TMEM35A: variants seen among roughly 807,000 people sequenced by gnomAD.
The protein encoded by TMEM35A is nicotinic acetylcholine receptor chaperone.
For missense variants in TMEM35A, 83 were observed against 132.7 expected (o/e 0.63, Z 1.84); for synonymous variants, 50 against 54.7 (o/e 0.91, Z 0.38).
intron 1 of TMEM35A, among the ~76,000 whole-genome samples, chrX:101,086,182 A>G (rs1340780958): frequency 4.5e-5 from 5 of 111,212 alleles, no homozygotes; most frequent in African/African-American, 1.3e-4. Flanking sequence ...GTGAAATGGC[A>G]TGGTCTCGGC....
intron 1 of TMEM35A, among the ~76,000 whole-genome samples, chrX:101,080,629 G>A (rs755057850): frequency 1.8e-5 from 2 of 109,494 alleles, no homozygotes; most frequent in Non-Finnish European, 3.8e-5. Context: ...GCCACCAAAT[G>A]GCTTGAAGAG....
At chrX:101,088,054 C>T (rs902449959) in intron 1 of TMEM35A, among the ~76,000 whole-genome samples, 5 of 106,883 alleles carry the variant, frequency 4.7e-5, no homozygotes, top group Non-Finnish European at 7.7e-5. Flanking sequence ...AAAAATTAGC[C>T]GGGCATGGTG....
intron 1 of TMEM35A, 57 bp downstream of exon 1, chrX:101,079,179 T>A (rs2089284523): frequency 5.1e-5 from 60 of 1,172,035 alleles, no homozygotes; most frequent in Non-Finnish European, 6.7e-5. Context: ...CGAGGACCTC[T>A]CCCCTTTTTT....
At chrX:101,079,995 G>A (rs17003844) in intron 1 of TMEM35A, among the ~76,000 whole-genome samples, 25,924 of 110,680 alleles carry the variant, frequency 0.23, 2,643 homozygotes, top group African/African-American at 0.37. Flanking sequence ...TTGCTCTTAT[G>A]CTGTGGAGTA....
At chrX:101,087,884 C>A (rs770670294) in intron 1 of TMEM35A, among the ~76,000 whole-genome samples, 2 of 111,278 alleles carry the variant, frequency 1.8e-5, no homozygotes, top group Admixed American at 1.9e-4. Context: ...TGGTGGCAAG[C>A]GCCTGTAGTC....
chrX:101,082,640 A>G lies in TMEM35A; in HGVS notation c.120+3518A>G, dbSNP rs771309294. 1.5e-3 allele frequency among the ~76,000 whole-genome samples: 166 copies of G among 109,657 alleles called. 2 individuals carry two copies. Among genetic ancestry groups the G allele is most frequent in the Non-Finnish European group, 2.0e-3 (106 of 52,725 alleles). The stretch of plus-strand genomic sequence containing the variant: ...AGTTTAAGGGATTGAAATCAAGCAT[A>G]TATATATATTTATTTATTTATGAGA... On this transcript the variant is annotated intron_variant, in intron 1 of 1. Transcript: ENST00000372930.
rs751128636 is a variant in TMEM35A, at chrX:101,083,653, T to C, written c.120+4531T>C. On this transcript the variant is annotated intron_variant, in intron 1 of 1. Transcript: ENST00000372930. ...ACTAGGTAATAAGATAGTAATTTAC[T>C]GATGTTTAGACTGCTCTCTGAGGTG... Among the ~76,000 whole-genome samples the C allele has an allele frequency of 2.7e-5, 3 of 112,143 alleles. No individual in the cohort carries two copies. The South Asian group carries it at 1.1e-3, about 42-fold the overall frequency.
In TMEM35A at chrX:101,095,049, C is replaced by G; in HGVS notation, c.*93C>G. 1 of 1,000,170 alleles carries G rather than the reference C, an allele frequency of 1.0e-6. No individual in the cohort carries two copies. The highest frequency in any genetic ancestry group is 1.3e-6 in the Non-Finnish European group (1 of 754,794). The allele number at this position is 1,000,170 out of a possible 1,213,427, so 82.4% of individuals were successfully genotyped here. On this transcript the variant is annotated 3_prime_UTR_variant, in exon 2 of 2. Transcript: ENST00000372930. ...TGTGTTTTTCATTTGATTTATTTATCTTGGGGAAAGTGAAAAATGTAATCT... is the reference window on the plus strand; with the variant it reads ...TGTGTTTTTCATTTGATTTATTTATGTTGGGGAAAGTGAAAAATGTAATCT...
At chrX:101,079,452 C>A (rs1346260243) in intron 1 of TMEM35A, among the ~76,000 whole-genome samples, 1 of 111,388 alleles carries the variant, frequency 9.0e-6, no homozygotes, top group Non-Finnish European at 1.9e-5. Flanking sequence ...ACCCAAAGTC[C>A]GGGCAACCAG....
intron 1 of TMEM35A, among the ~76,000 whole-genome samples, chrX:101,088,898 C>CA (rs372375664): frequency 1.1e-3 from 117 of 101,877 alleles, no homozygotes; most frequent in African/African-American, 3.6e-3. Flanking sequence ...GATTCTGCCT[C>CA]AAAAAAAAAA....
intron 1 of TMEM35A, among the ~76,000 whole-genome samples, chrX:101,088,761 C>T (rs1285610510): frequency 9.2e-6 from 1 of 109,143 alleles, no homozygotes; most frequent in East Asian, 2.9e-4. Context: ...CAAAAATTAG[C>T]TGGATGTGGG....
chrX:101,086,809 T>A (rs1343034205), intron 1 of TMEM35A, among the ~76,000 whole-genome samples: 1 of 111,389 alleles, frequency 9.0e-6, no homozygotes, highest in Non-Finnish European at 1.9e-5. Context: ...AGTGAATCTG[T>A]CAACTGTCTT....
chrX:101,081,301 C>T (rs1475934034), intron 1 of TMEM35A, among the ~76,000 whole-genome samples: 1 of 112,307 alleles, frequency 8.9e-6, no homozygotes, highest in Non-Finnish European at 1.9e-5. Context: ...GAGCATCGGG[C>T]CATAGACTGG....
chrX:101,093,306 G>A (rs2089329465), intron 1 of TMEM35A, among the ~76,000 whole-genome samples: 1 of 110,425 alleles, frequency 9.1e-6, no homozygotes, highest in South Asian at 3.7e-4. Context: ...TTATTTATTT[G>A]CTTATTTATT....
intron 1 of TMEM35A, among the ~76,000 whole-genome samples, chrX:101,079,594 G>C (rs769684823): frequency 2.7e-5 from 3 of 111,350 alleles, no homozygotes; most frequent in East Asian, 5.7e-4. Context: ...CAATTTTTAG[G>C]GGCTGACTGG....
At chrX:101,087,740 T>C (rs964844573) in intron 1 of TMEM35A, among the ~76,000 whole-genome samples, 3 of 111,906 alleles carry the variant, frequency 2.7e-5, no homozygotes, top group Non-Finnish European at 5.6e-5. Flanking sequence ...CTGGAAGTCT[T>C]GGCTCCTAAC....
chrX:101,090,281 T>C (rs112276945), intron 1 of TMEM35A, among the ~76,000 whole-genome samples: 140 of 107,854 alleles, frequency 1.3e-3, no homozygotes, highest in African/African-American at 4.7e-3. Flanking sequence ...GCCTCCCGGA[T>C]AGCTGGGATT....
At position 101,087,842 on chromosome X, in the gene TMEM35A, C is replaced by T. The variant is rs182746186; in HGVS notation, c.121-6731C>T. On this transcript the variant is annotated intron_variant, in intron 1 of 1. Coordinates refer to ENST00000372930, the MANE Select transcript of TMEM35A (RefSeq NM_021637.3). ...AACATAGTGAAATGTGGTGAAGTGT[C>T]TCTACTAAAAATACAAAAAATTAGC... 8.1e-5 allele frequency among the ~76,000 whole-genome samples: 9 copies of T among 110,825 alleles called. 1 individual carries two copies. In the East Asian group the frequency reaches 2.3e-3, roughly 28 times the overall value.
At chrX:101,089,084 C>A (rs920378208) in intron 1 of TMEM35A, among the ~76,000 whole-genome samples, 2 of 111,487 alleles carry the variant, frequency 1.8e-5, no homozygotes, top group African/African-American at 3.3e-5. Flanking sequence ...AGCTCTGCCC[C>A]ACATGGGTCT....
Sources: allele counts gnomAD v4.1 joint callset (sites outside exome capture counted in the v4.1 genomes callset), GRCh38; gene constraint gnomAD v4.1.1; transcripts MANE v1.5; gene names NCBI Gene and HGNC (gene_info 2026-07-23, HGNC 2026-07-21).